The following ZBTB20 variants were observed in gnomAD, a reference collection of about 807,000 sequenced individuals.
ZBTB20 encodes the protein zinc finger and BTB domain-containing protein 20.
Under a neutral mutation model 56.9 loss-of-function variants are expected in ZBTB20, and 9 were observed. That is an observed-to-expected ratio of 0.16 (90% CI 0.10 to 0.28). ZBTB20 has a LOEUF of 0.28. Ranked by LOEUF, ZBTB20 falls within the 10% of genes least tolerant of loss-of-function variation. The probability of loss-of-function intolerance (pLI) is 1.00; values close to 1 mark genes in which losing one functional copy is unlikely to be tolerated. For missense variants in ZBTB20, 655 were observed against 1,003.0 expected (o/e 0.65, Z 4.69); for synonymous variants, 417 against 420.7 (o/e 0.99, Z 0.11).
rs533527395 is a variant in ZBTB20, at chr3:114,638,005, C to T, written c.-295+55523G>A. Among the ~76,000 whole-genome samples, 11 of 152,120 alleles carry T rather than the reference C, an allele frequency of 7.2e-5. No homozygotes were observed. The East Asian group carries it at 1.5e-3, about 21-fold the overall frequency. On this transcript the variant is annotated intron_variant, in intron 6 of 11. Coordinates refer to ENST00000675478, the MANE Select transcript of ZBTB20 (RefSeq NM_001348800.3). ...ACTTCATTCCCTCATTCTTCCTAGC[C>T]GCAGACCTCTATTTTGTGCAGAGTG...
At position 114,337,798 on chromosome 3, in the gene ZBTB20, T is replaced by G. The variant is rs1180530369; in HGVS notation, c.*1207A>C. ...GCAGTATCGCTAACCTTAACAGTCT[T>G]GACTTACCAAAAAATATATATATGT... On this transcript the variant is annotated 3_prime_UTR_variant, in exon 12 of 12. Coordinates refer to ENST00000675478, the MANE Select transcript of ZBTB20 (RefSeq NM_001348800.3). The G allele has an allele frequency of 1.3e-5, 2 of 152,082 alleles. No individual in the cohort carries two copies. Among genetic ancestry groups the G allele is most frequent in the Non-Finnish European group, 2.9e-5 (2 of 68,002 alleles). The allele number at this position is 152,082 out of a possible 1,614,324, so 9.4% of individuals were successfully genotyped here.
chr3:115,127,410 C>T (rs115453891), intron 1 of ZBTB20, among the ~76,000 whole-genome samples: 11 of 152,098 alleles, frequency 7.2e-5, no homozygotes, highest in African/African-American at 1.7e-4. Context: ...ACCAACATGA[C>T]GAAACCATGT....
At chr3:114,376,129 A>G (rs554694586) in intron 10 of ZBTB20, among the ~76,000 whole-genome samples, 2 of 152,256 alleles carry the variant, frequency 1.3e-5, no homozygotes, top group African/African-American at 4.8e-5. Context: ...CCGTGTGCAC[A>G]TGTAGAGCTA....
At chr3:114,692,406 TG>T (rs2062753820) in intron 6 of ZBTB20, among the ~76,000 whole-genome samples, 1 of 152,158 alleles carries the variant, frequency 6.6e-6, no homozygotes, top group Non-Finnish European at 1.5e-5. Context: ...GTGACAACTA[TG>T]GATTATGCAC....
At chr3:114,596,749 T>C (rs1371114896) in intron 6 of ZBTB20, among the ~76,000 whole-genome samples, 1 of 151,968 alleles carries the variant, frequency 6.6e-6, no homozygotes, top group African/African-American at 2.4e-5. Flanking sequence ...GAACACAGAA[T>C]GAGAGGCAGG....
At chr3:114,989,943 C>A in intron 2 of ZBTB20, among the ~76,000 whole-genome samples, 1 of 152,150 alleles carries the variant, frequency 6.6e-6, no homozygotes, top group East Asian at 1.9e-4. Context: ...GATTTTTGCA[C>A]ATTGATTTTG....
intron 2 of ZBTB20, among the ~76,000 whole-genome samples, chr3:115,034,148 G>A (rs947295763): frequency 1.3e-5 from 2 of 151,282 alleles, no homozygotes; most frequent in Admixed American, 1.3e-4. Flanking sequence ...AATACTCAAG[G>A]GTAAAATACT....
At chr3:114,488,339 A>G (rs1443653131) in intron 7 of ZBTB20, among the ~76,000 whole-genome samples, 1 of 152,298 alleles carries the variant, frequency 6.6e-6, no homozygotes, top group South Asian at 2.1e-4. Context: ...CAATTTTTTT[A>G]TTGTGTTATT....
chr3:115,132,362 C>T (rs2084531332), intron 1 of ZBTB20, among the ~76,000 whole-genome samples: 1 of 151,994 alleles, frequency 6.6e-6, no homozygotes, highest in Admixed American at 6.6e-5. Context: ...GAGTTGTTTT[C>T]ATCTTATCTT....
At chr3:114,651,550 T>TA (rs57059379) in intron 6 of ZBTB20, among the ~76,000 whole-genome samples, 6,513 of 91,236 alleles carry the variant, frequency 0.071, 244 homozygotes, top group Middle Eastern at 0.18. Context: ...GGTTGGATAG[T>TA]AAAAAAAAAA....
intron 7 of ZBTB20, among the ~76,000 whole-genome samples, chr3:114,474,567 T>C (rs568893866): frequency 6.6e-6 from 1 of 152,252 alleles, no homozygotes; most frequent in African/African-American, 2.4e-5. Context: ...TGCTGCACTA[T>C]AGTGTCGTGT....
intron 3 of ZBTB20, among the ~76,000 whole-genome samples, chr3:114,950,337 A>G (rs2077023666): frequency 6.6e-6 from 1 of 152,208 alleles, no homozygotes. Flanking sequence ...GAGATTAACA[A>G]CATACTTAAT....
chr3:115,013,710 A>C (rs1039304977), intron 2 of ZBTB20, among the ~76,000 whole-genome samples: 4 of 151,752 alleles, frequency 2.6e-5, no homozygotes, highest in Admixed American at 2.0e-4. Flanking sequence ...CAAATCAGAA[A>C]AAGGCACAAC....
intron 5 of ZBTB20, among the ~76,000 whole-genome samples, chr3:114,771,292 A>G (rs1232998130): frequency 2.0e-5 from 3 of 152,204 alleles, no homozygotes; most frequent in African/African-American, 7.2e-5. Context: ...AAATATAAAC[A>G]TACATATATC....
intron 1 of ZBTB20, among the ~76,000 whole-genome samples, chr3:115,112,248 T>C (rs930597992): frequency 1.6e-4 from 24 of 152,220 alleles, no homozygotes; most frequent in Non-Finnish European, 1.5e-5. Context: ...ATAAAATGTG[T>C]AATGACAAAG....
In ZBTB20 at chr3:114,478,974, G is replaced by A. The variant is rs559354802; in HGVS notation, c.-255+21378C>T. On this transcript the variant is annotated intron_variant, in intron 7 of 11. Coordinates refer to ENST00000675478, the MANE Select transcript of ZBTB20 (RefSeq NM_001348800.3). ...TTTATGCATCTGTATTATAAAAAAT[G>A]TGCCAGCTCTAGCAAGCTCACAGTA... Among the ~76,000 whole-genome samples the A allele has an allele frequency of 3.8e-3, 585 of 152,100 alleles. 1 individual carries two copies. Among genetic ancestry groups the A allele is most frequent in the Non-Finnish European group, 6.2e-3 (425 of 68,028 alleles).
chr3:114,539,693 C>T (rs527854385), intron 6 of ZBTB20, among the ~76,000 whole-genome samples: 2 of 152,032 alleles, frequency 1.3e-5, no homozygotes, highest in Non-Finnish European at 2.9e-5. Context: ...TATTATCACT[C>T]GTGTCATATT....
chr3:114,741,718 C>CAAA (rs547113766), intron 5 of ZBTB20, among the ~76,000 whole-genome samples: 80 of 135,180 alleles, frequency 5.9e-4, no homozygotes, highest in African/African-American at 2.1e-3. Context: ...ACTGAAAATA[C>CAAA]AAAAAAAAAA....
chr3:114,490,131 G>A (rs1310615072), intron 7 of ZBTB20, among the ~76,000 whole-genome samples: 1 of 152,082 alleles, frequency 6.6e-6, no homozygotes. Flanking sequence ...ATTTTAAATG[G>A]GAGTTCCCTT....
Sources: gnomAD v4.1 joint callset for allele counts (sites outside exome capture counted in the v4.1 genomes callset) on GRCh38, gnomAD v4.1.1 for gene constraint, MANE v1.5 for transcripts, NCBI Gene and HGNC (gene_info 2026-07-23, HGNC 2026-07-21) for gene names.